HPSE2: variants seen among roughly 807,000 people sequenced by gnomAD.
The protein encoded by HPSE2 is heparanase 2 (inactive), also known as inactive heparanase-2.
A neutral mutation model predicts 60.5 loss-of-function variants in HPSE2; 38 were observed. The ratio of observed to expected loss-of-function variants is 0.63; its 90% CI spans 0.48 to 0.82. The LOEUF is 0.82. Among genes scored for constraint, HPSE2 ranks in the 40% least tolerant of loss-of-function variants. The probability of loss-of-function intolerance (pLI) is 0.00; values close to 1 mark genes in which losing one functional copy is unlikely to be tolerated. For missense variants in HPSE2, 713 were observed against 740.4 expected (o/e 0.96, Z 0.43); for synonymous variants, 295 against 293.2 (o/e 1.01, Z -0.06).
Position 98,651,422 on chromosome 10 carries a change from A to C in HPSE2, c.1005-9482T>G, listed in dbSNP as rs551753562. On this transcript the variant is annotated intron_variant, in intron 6 of 11. Transcript: ENST00000370552. The stretch of plus-strand genomic sequence containing the variant: ...AATATTTGAAACTGATAGATGACTC[A>C]GTTAAATTTATTCAGCTAATAGGAA... Among the ~76,000 whole-genome samples, 6 of 152,356 alleles carry C rather than the reference A, an allele frequency of 3.9e-5. No homozygotes were observed. The South Asian group carries it at 1.2e-3, about 32-fold the overall frequency.
intron 2 of HPSE2, among the ~76,000 whole-genome samples, chr10:99,227,869 ATGTGTGTG>A (rs34836739): frequency 4.0e-4 from 57 of 142,412 alleles, no homozygotes; most frequent in African/African-American, 1.1e-3. Flanking sequence ...ATGTGTATAT[ATGTGTGTG>A]TGTGTGTGTG....
chr10:98,967,122 G>A (rs906437661), intron 3 of HPSE2, among the ~76,000 whole-genome samples: 8 of 152,204 alleles, frequency 5.3e-5, no homozygotes, highest in East Asian at 3.9e-4. Flanking sequence ...GTTTTTTTCC[G>A]AGCATTTAGC....
At chr10:99,070,353 C>T (rs1018559455) in intron 3 of HPSE2, among the ~76,000 whole-genome samples, 4 of 152,072 alleles carry the variant, frequency 2.6e-5, no homozygotes, top group Non-Finnish European at 5.9e-5. Flanking sequence ...GCAAATAAAA[C>T]ATGATATGAT....
chr10:99,228,173 G>A (rs991077156), intron 2 of HPSE2, among the ~76,000 whole-genome samples: 5 of 152,050 alleles, frequency 3.3e-5, no homozygotes, highest in Admixed American at 2.0e-4. Context: ...GATAATAAAG[G>A]TGCTTTAAGA....
chr10:99,189,174 A>C (rs1650803858), intron 2 of HPSE2, among the ~76,000 whole-genome samples: 1 of 152,254 alleles, frequency 6.6e-6, no homozygotes, highest in African/African-American at 2.4e-5. Flanking sequence ...CAAGTTTTTC[A>C]GTAATGAATA....
At chr10:98,901,058 G>C (rs887267737) in intron 3 of HPSE2, among the ~76,000 whole-genome samples, 1 of 152,150 alleles carries the variant, frequency 6.6e-6, no homozygotes, top group Non-Finnish European at 1.5e-5. Context: ...GCAACAACAT[G>C]AATGAATCTC....
At chr10:98,554,960 T>C (rs1943963065) in intron 9 of HPSE2, among the ~76,000 whole-genome samples, 1 of 152,238 alleles carries the variant, frequency 6.6e-6, no homozygotes, top group Non-Finnish European at 1.5e-5. Context: ...TTTAGCCTTA[T>C]CCTAAATAAG....
intron 3 of HPSE2, among the ~76,000 whole-genome samples, chr10:99,094,523 T>C (rs977137976): frequency 1.1e-4 from 2 of 18,856 alleles, no homozygotes; most frequent in African/African-American, 2.3e-4. Flanking sequence ...TTCATATATA[T>C]ATATATATAT....
At chr10:98,692,595 C>T (rs966166873) in intron 6 of HPSE2, among the ~76,000 whole-genome samples, 5 of 152,112 alleles carry the variant, frequency 3.3e-5, no homozygotes, top group East Asian at 1.9e-4. Flanking sequence ...GGTGAAACCC[C>T]GTCTCTACTA....
At chr10:99,301,671 A>C in the HPSE2 span, among the ~76,000 whole-genome samples, 1 of 152,170 alleles carries the variant, frequency 6.6e-6, no homozygotes, top group South Asian at 2.1e-4. Context: ...TTACTGTTCT[A>C]AACAGCTAGA....
In HPSE2 at chr10:99,232,424, C is replaced by T. The variant is rs1399879866; in HGVS notation, c.372G>A (p.Gln124=). Residue 124 remains glutamine, a synonymous_variant, in exon 2 of 12, where the codon CAG becomes CAA. Coordinates refer to ENST00000370552, the MANE Select transcript of HPSE2 (RefSeq NM_021828.5). ...RFGGKRTDFL[Q]FQNLRNPAKS... is the part of the protein sequence containing the mutation. ...TCGCCGGGTTCCTCAGGTTCTGGAA[C>T]TGCAGGAAGTCGGTCCTTTTGCCCC... is the stretch of plus-strand genomic sequence containing the variant. The T allele has an allele frequency of 6.4e-7, 1 of 1,554,266 alleles. No homozygotes were observed. The highest frequency in any genetic ancestry group is 1.2e-5 in the South Asian group (1 of 84,246).
intron 2 of HPSE2, among the ~76,000 whole-genome samples, chr10:99,160,565 G>A (rs1846787042): frequency 2.0e-5 from 3 of 152,158 alleles, no homozygotes; most frequent in African/African-American, 7.2e-5. Flanking sequence ...ACTCACTCCT[G>A]AGAGCCTACC....
chr10:99,062,153 T>C (rs1291026015), intron 3 of HPSE2, among the ~76,000 whole-genome samples: 1 of 152,216 alleles, frequency 6.6e-6, no homozygotes, highest in African/African-American at 2.4e-5. Flanking sequence ...TGTTCTATTT[T>C]ACAACGAGAT....
intron 3 of HPSE2, among the ~76,000 whole-genome samples, chr10:99,130,869 T>A (rs933279605): frequency 6.6e-6 from 1 of 152,096 alleles, no homozygotes; most frequent in Non-Finnish European, 1.5e-5. Flanking sequence ...GGGAGTCAGC[T>A]TGCACAAGTT....
Position 98,547,435 on chromosome 10 carries a change from G to C in HPSE2, c.1321-57239C>G, listed in dbSNP as rs547202934. Among the ~76,000 whole-genome samples the C allele has an allele frequency of 2.4e-4, 36 of 151,132 alleles. 1 individual carries two copies. In the East Asian group the frequency reaches 6.7e-3, roughly 28 times the overall value. Reference sequence around the variant, plus strand: ...GTCCAACAATGATAGATTGGACTAAGAAAATGTGGCACATATACACCATGG... The same window carrying C: ...GTCCAACAATGATAGATTGGACTAACAAAATGTGGCACATATACACCATGG... On this transcript the variant is annotated intron_variant, in intron 9 of 11. Coordinates refer to ENST00000370552, the MANE Select transcript of HPSE2 (RefSeq NM_021828.5).
At chr10:99,135,981 T>G (rs888504340) in intron 3 of HPSE2, among the ~76,000 whole-genome samples, 1 of 151,580 alleles carries the variant, frequency 6.6e-6, no homozygotes, top group Admixed American at 6.6e-5. Context: ...ACAAAATACA[T>G]AGACCACTAG....
At chr10:98,705,896 C>T (rs1948535316) in intron 5 of HPSE2, among the ~76,000 whole-genome samples, 1 of 152,138 alleles carries the variant, frequency 6.6e-6, no homozygotes. Flanking sequence ...ACATGTCCTG[C>T]ACTTGTATCC....
chr10:98,798,922 G>A (rs769852304), intron 3 of HPSE2, among the ~76,000 whole-genome samples: 15 of 152,024 alleles, frequency 9.9e-5, no homozygotes, highest in South Asian at 2.1e-4. Flanking sequence ...ACTAAACTCC[G>A]CAATTTCTAC....
At chr10:99,305,979 G>GTGCACACACACACACACACACACACACA in the HPSE2 span, among the ~76,000 whole-genome samples, 1 of 80,580 alleles carries the variant, frequency 1.2e-5, no homozygotes, top group African/African-American at 5.4e-5. Context: ...GCGCGCGCGC[G>GTGCACACACACACACACACACACACACA]CACACACACA....
Sources: gnomAD v4.1 joint callset for allele counts (sites outside exome capture counted in the v4.1 genomes callset) on GRCh38, gnomAD v4.1.1 for gene constraint, MANE v1.5 for transcripts, NCBI Gene and HGNC (gene_info 2026-07-23, HGNC 2026-07-21) for gene names.